The following ANXA5 variants were observed in gnomAD, a reference collection of about 807,000 sequenced individuals.
The protein encoded by ANXA5 is CBP-I.
ANXA5 carries 40 observed loss-of-function variants against 48.1 expected under a neutral mutation model. The ratio of observed to expected loss-of-function variants is 0.83; its 90% CI spans 0.65 to 1.08. ANXA5 has a LOEUF of 1.08. ANXA5 is among the 50% of genes least tolerant of loss of function. ANXA5 has a pLI of 0.00. For synonymous variants in ANXA5, 113 were observed against 129.1 expected (o/e 0.88, Z 0.85); for missense variants, 357 against 376.8 (o/e 0.95, Z 0.44).
At chr4:121,668,633 A>G in intron 12 of ANXA5, 106 bp from the exon 13 acceptor site, 1 of 917,118 alleles carries the variant, frequency 1.1e-6, no homozygotes, top group Non-Finnish European at 1.8e-6. Context: ...TCTTCTCCCA[A>G]GTGGGTAATC....
intron 2 of ANXA5, among the ~76,000 whole-genome samples, chr4:121,696,091 T>C (rs918270783): frequency 6.9e-6 from 1 of 145,544 alleles, no homozygotes; most frequent in Non-Finnish European, 1.5e-5. Flanking sequence ...TTAGTAAAAC[T>C]GGGCTGAGCA....
chr4:121,684,013 A>C (rs1041484094), intron 4 of ANXA5, among the ~76,000 whole-genome samples: 1 of 148,664 alleles, frequency 6.7e-6, no homozygotes, highest in Non-Finnish European at 1.5e-5. Flanking sequence ...TGTAATTGTG[A>C]AAAAAAAAAC....
At chr4:121,692,463 C>A (rs1234337408) in intron 2 of ANXA5, among the ~76,000 whole-genome samples, 1 of 152,202 alleles carries the variant, frequency 6.6e-6, no homozygotes, top group Admixed American at 6.5e-5. Context: ...GTGGCATTGG[C>A]CTCCCATGAG....
intron 4 of ANXA5, 109 bp from the exon 5 acceptor site, chr4:121,683,586 C>T: frequency 1.6e-6 from 1 of 613,362 alleles, no homozygotes; most frequent in Non-Finnish European, 2.9e-6. Context: ...GTTGCTGTCT[C>T]CAAGTAGAAG....
chr4:121,685,252 T>C (rs912501573), intron 3 of ANXA5, among the ~76,000 whole-genome samples: 1 of 152,058 alleles, frequency 6.6e-6, no homozygotes, highest in Non-Finnish European at 1.5e-5. Flanking sequence ...GGGCACCTAG[T>C]TTTTTAAAAA....
chr4:121,677,063 T>C (rs1323045962), intron 8 of ANXA5, among the ~76,000 whole-genome samples: 1 of 152,182 alleles, frequency 6.6e-6, no homozygotes, highest in Non-Finnish European at 1.5e-5. Flanking sequence ...AAAATCAACC[T>C]ACCCAAAAGA....
At chr4:121,686,234 T>C (rs1045282170) in intron 3 of ANXA5, 54 bp downstream of exon 3, 1 of 1,330,882 alleles carries the variant, frequency 7.5e-7, no homozygotes, top group African/African-American at 1.4e-5. Context: ...AATTAATGAC[T>C]TGTTTGGAAA....
At chr4:121,684,853 C>A (rs878923880) in intron 3 of ANXA5, 82 bp from the exon 4 acceptor site, 16 of 1,041,880 alleles carry the variant, frequency 1.5e-5, no homozygotes, top group South Asian at 1.3e-4. Context: ...TTCCCAGTCA[C>A]CTTATTTCCT....
At chr4:121,682,635 G>A (rs1360641794) in intron 5 of ANXA5, among the ~76,000 whole-genome samples, 2 of 152,070 alleles carry the variant, frequency 1.3e-5, no homozygotes, top group Non-Finnish European at 2.9e-5. Flanking sequence ...TGAAGAGACT[G>A]AGCACAAACC....
intron 8 of ANXA5, among the ~76,000 whole-genome samples, chr4:121,675,590 AT>A (rs1454942064): frequency 6.6e-6 from 1 of 152,244 alleles, no homozygotes; most frequent in Non-Finnish European, 1.5e-5. Flanking sequence ...CTTGGATTCC[AT>A]TCAAGGGATA....
chr4:121,696,701 C>G (rs1340899175), intron 1 of ANXA5, 77 bp from the exon 2 acceptor site: 21 of 1,034,290 alleles, frequency 2.0e-5, no homozygotes, highest in Admixed American at 4.2e-5. Context: ...TCCGCGGGGA[C>G]CCGGCGGCGC....
chr4:121,683,162 T>G (rs1724820726), intron 5 of ANXA5, among the ~76,000 whole-genome samples: 1 of 152,098 alleles, frequency 6.6e-6, no homozygotes, highest in African/African-American at 2.4e-5. Context: ...ATTATTGAGT[T>G]TAAATCTACA....
In ANXA5 at chr4:121,668,153, T is replaced by C. The variant is rs560371647; in HGVS notation, c.*315A>G. 5 of 203,320 alleles carry C rather than the reference T, an allele frequency of 2.5e-5. No homozygotes were observed. Among genetic ancestry groups the C allele is most frequent in the Non-Finnish European group, 3.9e-5 (4 of 101,770 alleles). 12.6% of individuals were successfully genotyped at this position (203,320 alleles called of 1,614,324 possible). ...GATTAAAGTATCATGGTTACAAATG[T>C]AATATAAATGGAGTTTTTAAAAAAG... is the stretch of plus-strand genomic sequence containing the variant. On this transcript the variant is annotated 3_prime_UTR_variant, in exon 13 of 13. Coordinates refer to ENST00000296511, the MANE Select transcript of ANXA5 (RefSeq NM_001154.4).
rs1724677738 is a variant in ANXA5 at position 121,675,170 on chromosome 4, C to G, written c.532-2544G>C. ...GGAAGAAGGTAAATCTGTTTTAATG[C>G]ATTAAAAGTATTAAATCAATTTAAC... On this transcript the variant is annotated intron_variant, in intron 8 of 12. Transcript: ENST00000296511. Among the ~76,000 whole-genome samples, 3 of 152,134 alleles carry G rather than the reference C, an allele frequency of 2.0e-5. No homozygotes were observed. The South Asian group carries it at 6.2e-4, about 32-fold the overall frequency.
At chr4:121,673,678 T>C (rs1724647982) in intron 8 of ANXA5, among the ~76,000 whole-genome samples, 1 of 152,160 alleles carries the variant, frequency 6.6e-6, no homozygotes, top group Non-Finnish European at 1.5e-5. Context: ...ATTTTAAAGA[T>C]AAAAATGAAT....
intron 3 of ANXA5, among the ~76,000 whole-genome samples, chr4:121,685,071 T>TATAC (rs375985676): frequency 0.018 from 2,571 of 146,552 alleles, 80 homozygotes; most frequent in African/African-American, 0.062. Context: ...CATATATATA[T>TATAC]ACACACACAC....
intron 1 of ANXA5, 32 bp from the exon 2 acceptor site, chr4:121,696,656 C>T: frequency 1.5e-6 from 2 of 1,313,384 alleles, no homozygotes; most frequent in South Asian, 2.5e-5. Flanking sequence ...GGGCTTAGCG[C>T]GCCATTTGCA....
rs528915735 is a variant in ANXA5 at position 121,675,232 on chromosome 4, C to T, written c.532-2606G>A. Among the ~76,000 whole-genome samples the T allele has an allele frequency of 7.2e-5, 11 of 152,296 alleles. No individual in the cohort carries two copies. In the South Asian group the frequency reaches 1.0e-3, roughly 14 times the overall value. On this transcript the variant is annotated intron_variant, in intron 8 of 12. Coordinates refer to ENST00000296511, the MANE Select transcript of ANXA5 (RefSeq NM_001154.4). ...GTTAAAAAGTGGATTATCTACAAAA[C>T]GTTCAGTTCCCAAGTGAATGACTCA...
At chr4:121,692,655 A>G (rs6823422) in intron 2 of ANXA5, among the ~76,000 whole-genome samples, 66,592 of 152,016 alleles carry the variant, frequency 0.44, 16,122 homozygotes, top group East Asian at 0.73. Flanking sequence ...TGCTGTTGTT[A>G]CCTCTCTGTA....
Sources: allele counts gnomAD v4.1 joint callset (sites outside exome capture counted in the v4.1 genomes callset), GRCh38; gene constraint gnomAD v4.1.1; transcripts MANE v1.5; gene names NCBI Gene and HGNC (gene_info 2026-07-23, HGNC 2026-07-21).